SLC7A2: variants seen among roughly 807,000 people sequenced by gnomAD.
SLC7A2 encodes cationic amino acid transporter 2.
Under a neutral mutation model 58.9 loss-of-function variants are expected in SLC7A2, and 48 were observed. That is an observed-to-expected ratio of 0.82 (90% CI 0.65 to 1.04). The LOEUF (loss-of-function observed/expected upper bound fraction) is 1.04. Ranked by LOEUF, SLC7A2 falls within the 50% of genes least tolerant of loss-of-function variation. SLC7A2 has a pLI of 0.00. For missense variants in SLC7A2, 1,029 were observed against 818.8 expected, an observed-to-expected ratio of 1.26 and a Z score of -3.13; for synonymous variants, 363 against 314.5, an observed-to-expected ratio of 1.15 and a Z score of -1.63.
In SLC7A2 at chr8:17,544,496, T is replaced by C; in HGVS notation, c.422T>C (p.Leu141Pro). 1 of 1,614,108 alleles carries C rather than the reference T, an allele frequency of 6.2e-7. No homozygotes were observed. The highest frequency in any genetic ancestry group is 8.5e-7 in the Non-Finnish European group (1 of 1,179,976). ...GCCTGGAGTGGCACCTTTGATGAAC[T>C]TCTTAGCAAACAGATTGGTCAGTTT... ...ARAWSGTFDELLSKQIGQFLR... is the reference protein window; with the variant it reads ...ARAWSGTFDEPLSKQIGQFLR... Residue 141 changes from leucine to proline, a missense_variant, in exon 4 of 13, where the codon CTT becomes CCT. Physicochemically the swap from Leu to Pro is moderately conservative, Grantham distance 98 (BLOSUM62 -3). Coordinates refer to ENST00000494857, the MANE Select transcript of SLC7A2 (RefSeq NM_001370338.1).
At position 17,541,970 on chromosome 8, in the gene SLC7A2, A is replaced by G. The variant is rs1563462787; in HGVS notation, c.-22-1348A>G. Among the ~76,000 whole-genome samples, 4 of 151,716 alleles carry G rather than the reference A, an allele frequency of 2.6e-5. No homozygotes were observed. In the South Asian group the frequency reaches 8.3e-4, roughly 32 times the overall value. On this transcript the variant is annotated intron_variant, in intron 2 of 12. Coordinates refer to ENST00000494857, the MANE Select transcript of SLC7A2 (RefSeq NM_001370338.1). ...AGGTGGGGAGTGTGACTTTTTGTCT[A>G]CTTTATTCATTCCATTTTTAAAAGA...
At chr8:17,542,479 T>C (rs940186981) in intron 2 of SLC7A2, among the ~76,000 whole-genome samples, 3 of 152,124 alleles carry the variant, frequency 2.0e-5, no homozygotes, top group Non-Finnish European at 4.4e-5. Context: ...AGTGAGACCC[T>C]GTCTCTACGA....
chr8:17,498,288 G>C (rs929539891), intron 1 of SLC7A2, among the ~76,000 whole-genome samples: 3 of 152,102 alleles, frequency 2.0e-5, no homozygotes, highest in Admixed American at 2.0e-4. Flanking sequence ...GGCCGCCTGG[G>C]TTATAAAATT....
chr8:17,550,489 T>TAGC, intron 6 of SLC7A2, 55 bp downstream of exon 6: 1 of 1,544,556 alleles, frequency 6.5e-7, no homozygotes, highest in Non-Finnish European at 8.8e-7. Flanking sequence ...TGTGCACGAG[T>TAGC]ACCCGTGTGT....
chr8:17,545,084 C>T (rs994154884), intron 4 of SLC7A2, among the ~76,000 whole-genome samples: 11 of 152,042 alleles, frequency 7.2e-5, no homozygotes, highest in Non-Finnish European at 1.2e-4. Flanking sequence ...TTTGTAATGT[C>T]GACATTATAT....
chr8:17,554,600 G>A lies in SLC7A2; in HGVS notation c.1096G>A (p.Ala366Thr), dbSNP rs778257648. 1 of 1,613,010 alleles carries A rather than the reference G, an allele frequency of 6.2e-7. No homozygotes were observed. The highest frequency in any genetic ancestry group is 1.1e-5 in the South Asian group (1 of 90,858). ...SIFPMPRVIY[A>T]MAEDGLLFKC... is the part of the protein sequence containing the mutation. ...TTTCCCAATGCCTCGTGTAATCTAT[G>A]CTATGGCGGAGGATGGGTTGCTTTT... is the stretch of plus-strand genomic sequence containing the variant. The change falls in exon 8 of 13, where the codon GCT becomes ACT. Residue 366 changes from alanine (A) to threonine (T), a missense_variant. By Grantham distance (58) the Ala-to-Thr change is moderately conservative. Transcript: ENST00000494857.
At chr8:17,496,418 A>G (rs2150627018), upstream of SLC7A2, among the ~76,000 whole-genome samples, 1 of 152,338 alleles carries the variant, frequency 6.6e-6, no homozygotes, top group South Asian at 2.1e-4. Context: ...GAAAATTAAC[A>G]GGCTTTCACA....
chr8:17,518,222 T>C (rs1167452589), intron 2 of SLC7A2, among the ~76,000 whole-genome samples: 1 of 151,798 alleles, frequency 6.6e-6, no homozygotes, highest in African/African-American at 2.4e-5. Context: ...TTCTTTCTTT[T>C]TTTTTTTTGC....
At chr8:17,550,946 A>T (rs575943364) in intron 6 of SLC7A2, among the ~76,000 whole-genome samples, 140 of 152,324 alleles carry the variant, frequency 9.2e-4, no homozygotes, top group African/African-American at 3.1e-3. Context: ...ACAATTGACC[A>T]CATTTTGAGT....
chr8:17,509,958 G>A (rs1800534359), intron 2 of SLC7A2, among the ~76,000 whole-genome samples: 1 of 151,992 alleles, frequency 6.6e-6, no homozygotes, highest in East Asian at 1.9e-4. Flanking sequence ...AGTGGCTCAC[G>A]CCTGTAACCC....
intron 8 of SLC7A2, among the ~76,000 whole-genome samples, chr8:17,557,968 C>A (rs1035032033): frequency 3.3e-5 from 5 of 152,094 alleles, no homozygotes; most frequent in African/African-American, 1.2e-4. Flanking sequence ...TATTTCCTAG[C>A]AGTGTTTTTC....
chr8:17,535,606 G>T (rs2588236), intron 2 of SLC7A2, among the ~76,000 whole-genome samples: 1 of 152,240 alleles, frequency 6.6e-6, no homozygotes, highest in East Asian at 1.9e-4. Flanking sequence ...GTATTTATAA[G>T]AAATTTACAT....
rs1234591532 is a variant in SLC7A2 at position 17,548,667 on chromosome 8, T to G, written c.533-11T>G. 1 of 1,581,830 alleles carries G rather than the reference T, an allele frequency of 6.3e-7. No homozygotes were observed. Among genetic ancestry groups the G allele is most frequent in the South Asian group, 1.2e-5 (1 of 85,512 alleles). On this transcript the variant is annotated splice_polypyrimidine_tract_variant and intron_variant, in intron 4 of 12. Coordinates refer to ENST00000494857, the MANE Select transcript of SLC7A2 (RefSeq NM_001370338.1). ...AAGCTAAATAAAAATTGAAATGCCC[T>G]TTTTCCATAGGTCTTTTGTCTTTTG...
intron 7 of SLC7A2, among the ~76,000 whole-genome samples, chr8:17,553,883 G>C (rs753484884): frequency 2.0e-5 from 3 of 152,180 alleles, no homozygotes; most frequent in Non-Finnish European, 2.9e-5. Context: ...GGTGCAGCTA[G>C]TAAACAAAAG....
At chr8:17,498,855 G>T (rs1040715724) in intron 1 of SLC7A2, 40 of 152,314 alleles carry the variant, frequency 2.6e-4, no homozygotes, top group African/African-American at 9.4e-4. Context: ...GGGCTTAGGA[G>T]CCTGGGAAGG....
chr8:17,526,309 T>C (rs1801221006), intron 2 of SLC7A2, among the ~76,000 whole-genome samples: 1 of 152,126 alleles, frequency 6.6e-6, no homozygotes, highest in Non-Finnish European at 1.5e-5. Context: ...ATTGGAAGCT[T>C]GTAAAATAGG....
chr8:17,503,627 G>A (rs189109154), intron 2 of SLC7A2, among the ~76,000 whole-genome samples: 69 of 151,062 alleles, frequency 4.6e-4, no homozygotes, highest in African/African-American at 1.6e-3. Context: ...CTCATAGTTC[G>A]CAGAATATTT....
chr8:17,540,932 T>G (rs1801885713), intron 2 of SLC7A2, among the ~76,000 whole-genome samples: 1 of 152,216 alleles, frequency 6.6e-6, no homozygotes, highest in African/African-American at 2.4e-5. Context: ...TATCTTTTTC[T>G]CATAAAAGTC....
chr8:17,536,424 G>A (rs1801668781), intron 2 of SLC7A2, among the ~76,000 whole-genome samples: 1 of 152,056 alleles, frequency 6.6e-6, no homozygotes, highest in African/African-American at 2.4e-5. Flanking sequence ...AAAGAAAATA[G>A]CTGGATGTGG....
Sources: allele counts gnomAD v4.1 joint callset (sites outside exome capture counted in the v4.1 genomes callset), GRCh38; gene constraint gnomAD v4.1.1; transcripts MANE v1.5; gene names NCBI Gene and HGNC (gene_info 2026-07-23, HGNC 2026-07-21).